Variants in LRRC4C observed in about 807,000 individuals in gnomAD.
The protein encoded by LRRC4C is leucine-rich repeat-containing protein 4C.
A neutral mutation model predicts 33.6 loss-of-function variants in LRRC4C; 5 were observed. The observed-to-expected ratio is 0.15, with a 90% CI of 0.08 to 0.31. LRRC4C has a LOEUF of 0.31. LRRC4C is among the 10% of genes least tolerant of loss of function. The pLI is 1.00. For synonymous variants in LRRC4C, 329 were observed against 302.0 expected (o/e 1.09, Z -0.93); for missense variants, 560 against 796.7 (o/e 0.70, Z 3.58).
chr11:41,243,142 C>T (rs1300431963), intron 1 of LRRC4C, among the ~76,000 whole-genome samples: 1 of 152,152 alleles, frequency 6.6e-6, no homozygotes, highest in Non-Finnish European at 1.5e-5. Context: ...TTCTGACTCT[C>T]TTATGTGAAA....
intron 5 of LRRC4C, among the ~76,000 whole-genome samples, chr11:40,214,680 C>T (rs889622473): frequency 1.2e-4 from 18 of 152,162 alleles, no homozygotes; most frequent in African/African-American, 4.3e-4. Context: ...GTCAGTAAGA[C>T]AGCCCTCACC....
chr11:41,233,490 T>A (rs1410606452), intron 1 of LRRC4C, among the ~76,000 whole-genome samples: 2 of 151,840 alleles, frequency 1.3e-5, no homozygotes, highest in African/African-American at 4.8e-5. Flanking sequence ...GAAAAAAAAA[T>A]TTGCATTCAG....
chr11:40,218,657 C>G (rs1864166794), intron 5 of LRRC4C, among the ~76,000 whole-genome samples: 2 of 70,982 alleles, frequency 2.8e-5, no homozygotes, highest in Non-Finnish European at 7.7e-5. Flanking sequence ...TATCTATCAT[C>G]TATTGCCATA....
rs147957849 is a variant in LRRC4C, at chr11:40,116,708, T to C, written c.-42-374A>G. On this transcript the variant is annotated intron_variant, in intron 6 of 6. Coordinates refer to ENST00000528697, the MANE Select transcript of LRRC4C (RefSeq NM_001258419.2). ...TAAAAAATAGGACTTTGGGGCTATA[T>C]CAAACAAACTAAAAGCTCCTTTGCA... 3.3e-4 allele frequency among the ~76,000 whole-genome samples: 50 copies of C among 152,288 alleles called. No homozygotes were observed. In the East Asian group the frequency reaches 9.1e-3, roughly 28 times the overall value.
At chr11:41,451,471 T>C (rs1956023805) in intron 1 of LRRC4C, among the ~76,000 whole-genome samples, 2 of 152,020 alleles carry the variant, frequency 1.3e-5, no homozygotes, top group Non-Finnish European at 2.9e-5. Flanking sequence ...CAGAATTCCA[T>C]TTAGCAAAAG....
At chr11:41,150,997 A>G (rs1943973941) in intron 1 of LRRC4C, among the ~76,000 whole-genome samples, 1 of 151,910 alleles carries the variant, frequency 6.6e-6, no homozygotes, top group Non-Finnish European at 1.5e-5. Flanking sequence ...CCAGAACTCC[A>G]TTCCACCTGC....
At chr11:40,233,435 G>C in intron 5 of LRRC4C, among the ~76,000 whole-genome samples, 1 of 152,152 alleles carries the variant, frequency 6.6e-6, no homozygotes. Context: ...TTAGAGCATA[G>C]TATATAGCAC....
intron 5 of LRRC4C, among the ~76,000 whole-genome samples, chr11:40,228,990 G>A (rs1342890401): frequency 6.6e-6 from 1 of 152,100 alleles, no homozygotes; most frequent in African/African-American, 2.4e-5. Context: ...TGCACAGACC[G>A]AACAAGATGT....
At chr11:40,290,159 T>C (rs1348878155) in intron 4 of LRRC4C, among the ~76,000 whole-genome samples, 1 of 152,176 alleles carries the variant, frequency 6.6e-6, no homozygotes, top group Non-Finnish European at 1.5e-5. Context: ...AAGCATCAAG[T>C]ACATGTTTTT....
At chr11:41,145,608 T>C (rs151252219) in intron 1 of LRRC4C, among the ~76,000 whole-genome samples, 2,559 of 152,224 alleles carry the variant, frequency 0.017, 32 homozygotes, top group Middle Eastern at 0.065. Flanking sequence ...TCTACAACAC[T>C]TTGTCGGATA....
intron 1 of LRRC4C, among the ~76,000 whole-genome samples, chr11:41,456,261 A>G (rs909524301): frequency 1.3e-5 from 2 of 152,106 alleles, no homozygotes; most frequent in Non-Finnish European, 2.9e-5. Flanking sequence ...GGCTGTTGTA[A>G]TGACTCAGCA....
intron 2 of LRRC4C, among the ~76,000 whole-genome samples, chr11:40,696,748 G>GTATA (rs57752272): frequency 0.013 from 1,576 of 125,840 alleles, 23 homozygotes; most frequent in African/African-American, 0.022. Flanking sequence ...TATACACTGT[G>GTATA]TATATATATA....
intron 1 of LRRC4C, among the ~76,000 whole-genome samples, chr11:41,312,223 T>C (rs1950662473): frequency 6.6e-6 from 1 of 152,224 alleles, no homozygotes; most frequent in African/African-American, 2.4e-5. Flanking sequence ...TAAGTTTCTA[T>C]ATTCTACATT....
intron 3 of LRRC4C, among the ~76,000 whole-genome samples, chr11:40,540,643 T>C (rs1288854839): frequency 6.6e-6 from 1 of 152,160 alleles, no homozygotes; most frequent in Admixed American, 6.6e-5. Context: ...TTTCAGTCCT[T>C]ACTATTTAGG....
At chr11:41,145,109 C>T (rs370558659) in intron 1 of LRRC4C, among the ~76,000 whole-genome samples, 4 of 152,140 alleles carry the variant, frequency 2.6e-5, no homozygotes, top group African/African-American at 9.6e-5. Context: ...CATATAATCA[C>T]AGCAAGACCT....
At chr11:40,411,848 G>T (rs991420305) in intron 3 of LRRC4C, among the ~76,000 whole-genome samples, 1 of 151,896 alleles carries the variant, frequency 6.6e-6, no homozygotes, top group African/African-American at 2.4e-5. Flanking sequence ...AGCTAGTATT[G>T]TTATGTGTTT....
intron 2 of LRRC4C, among the ~76,000 whole-genome samples, chr11:40,872,474 T>C (rs890600597): frequency 6.6e-6 from 1 of 152,142 alleles, no homozygotes; most frequent in Non-Finnish European, 1.5e-5. Flanking sequence ...CTGAGCATCT[T>C]CCACATTCCC....
At chr11:41,380,100 T>G (rs190545629) in intron 1 of LRRC4C, among the ~76,000 whole-genome samples, 53 of 152,222 alleles carry the variant, frequency 3.5e-4, no homozygotes, top group African/African-American at 1.2e-3. Flanking sequence ...TTAGCAAGAA[T>G]TAGTTCAAGA....
At chr11:41,331,784 A>G (rs1202534911) in intron 1 of LRRC4C, among the ~76,000 whole-genome samples, 3 of 152,022 alleles carry the variant, frequency 2.0e-5, no homozygotes, top group African/African-American at 7.2e-5. Context: ...GCACTGACAA[A>G]CGAACCCCAG....
Sources: gnomAD v4.1 joint callset for allele counts (sites outside exome capture counted in the v4.1 genomes callset) on GRCh38, gnomAD v4.1.1 for gene constraint, MANE v1.5 for transcripts, NCBI Gene and HGNC (gene_info 2026-07-23, HGNC 2026-07-21) for gene names.